Variants in CCDC171 observed in about 807,000 individuals in gnomAD.
The protein encoded by CCDC171 is coiled-coil domain containing 171, also known as coiled-coil domain-containing protein 171.
A neutral mutation model predicts 168.2 loss-of-function variants in CCDC171; 177 were observed. That is an observed-to-expected ratio of 1.05 (90% CI 0.93 to 1.19). The LOEUF (loss-of-function observed/expected upper bound fraction) is 1.19, where lower values mean the gene tolerates loss of function less well. Ranked by LOEUF, CCDC171 falls within the 50% of genes most tolerant of loss-of-function variation. The probability of loss-of-function intolerance (pLI) is 0.00; values close to 1 mark genes in which losing one functional copy is unlikely to be tolerated. For synonymous variants in CCDC171, 687 were observed against 540.8 expected (o/e 1.27, Z -3.75); for missense variants, 1,991 against 1,539.0 (o/e 1.29, Z -4.91).
At chr9:15,642,341 G>GTA (rs1392934062) in intron 7 of CCDC171, among the ~76,000 whole-genome samples, 63 of 40,914 alleles carry the variant, frequency 1.5e-3, no homozygotes, top group African/African-American at 4.0e-3. Flanking sequence ...ACGTGTGTGT[G>GTA]TGTATATATA....
chr9:16,064,751 T>C (rs530342792), downstream of CCDC171, among the ~76,000 whole-genome samples: 1 of 152,354 alleles, frequency 6.6e-6, no homozygotes, highest in African/African-American at 2.4e-5. Flanking sequence ...ATGGAGACCA[T>C]GCCACTAAGA....
At chr9:15,957,638 TCAAA>T (rs1234304494) in intron 25 of CCDC171, among the ~76,000 whole-genome samples, 1 of 152,174 alleles carries the variant, frequency 6.6e-6, no homozygotes, top group Non-Finnish European at 1.5e-5. Context: ...AAGGTTTACA[TCAAA>T]CAATTAGATT....
intron 2 of CCDC171, among the ~76,000 whole-genome samples, chr9:15,568,232 A>G (rs7875367): frequency 0.54 from 79,930 of 147,496 alleles, 21,656 homozygotes; most frequent in East Asian, 0.74. Flanking sequence ...TTTCTTTTAC[A>G]TTGCATGATT....
At chr9:15,787,794 T>G (rs1172538365) in intron 21 of CCDC171, among the ~76,000 whole-genome samples, 1 of 152,172 alleles carries the variant, frequency 6.6e-6, no homozygotes, top group Non-Finnish European at 1.5e-5. Context: ...ATTTAAAACA[T>G]TTTTGACAGT....
At chr9:15,644,611 G>A (rs1337994065) in intron 7 of CCDC171, among the ~76,000 whole-genome samples, 3 of 152,328 alleles carry the variant, frequency 2.0e-5, no homozygotes, top group African/African-American at 2.4e-5. Flanking sequence ...CACCTGGCTC[G>A]GAGAGTCCCA....
Position 15,744,446 on chromosome 9 carries a change from C to G in CCDC171, c.2223C>G (p.Leu741=), listed in dbSNP as rs1348555719. ...CALMAGALYP[L]YSRSCALSTQ... The stretch of plus-strand genomic sequence containing the variant: ...TAATGGCTGGTGCCTTATATCCCCT[C>G]TATAGCCGATCATGCGCCTTGTCTA... The change falls in exon 17 of 26, where the codon CTC becomes CTG. Residue 741 remains leucine (L), a synonymous_variant. Transcript: ENST00000380701. 2 of 1,613,994 alleles carry G rather than the reference C, an allele frequency of 1.2e-6. No homozygotes were observed. Among genetic ancestry groups the G allele is most frequent in the African/African-American group, 1.3e-5 (1 of 74,910 alleles).
At chr9:15,632,620 C>T (rs2045820666) in intron 7 of CCDC171, among the ~76,000 whole-genome samples, 1 of 152,072 alleles carries the variant, frequency 6.6e-6, no homozygotes, top group Non-Finnish European at 1.5e-5. Context: ...AGATTCAATG[C>T]CATCCCCATC....
At chr9:16,012,763 C>T (rs933830259) in intron 3 of CCDC171, among the ~76,000 whole-genome samples, 3 of 152,076 alleles carry the variant, frequency 2.0e-5, no homozygotes, top group Non-Finnish European at 1.5e-5. Flanking sequence ...CATTCTTATT[C>T]ATGTTTGAGA....
intron 8 of CCDC171, among the ~76,000 whole-genome samples, chr9:16,037,264 T>C (rs1833488708): frequency 6.6e-6 from 1 of 152,204 alleles, no homozygotes; most frequent in South Asian, 2.1e-4. Context: ...CCAATAAATA[T>C]GTACAATTAT....
At chr9:16,051,134 A>G (rs1442796863) in intron 1 of CCDC171, among the ~76,000 whole-genome samples, 1 of 152,188 alleles carries the variant, frequency 6.6e-6, no homozygotes, top group Non-Finnish European at 1.5e-5. Flanking sequence ...ACATAAATAA[A>G]TGTTTTTTAA....
chr9:15,740,444 T>G (rs934215097), intron 16 of CCDC171, among the ~76,000 whole-genome samples: 1 of 151,908 alleles, frequency 6.6e-6, no homozygotes, highest in African/African-American at 2.4e-5. Flanking sequence ...TTTGTGTGTG[T>G]GTGTGTGTGA....
chr9:15,815,681 C>T lies in CCDC171; in HGVS notation c.3267+30987C>T, dbSNP rs1453067674. On this transcript the variant is annotated intron_variant, in intron 21 of 25. Transcript: ENST00000380701. ...GGTAAACCTTTAAACAAAAGAACTC[C>T]AACACTCATTTTCTTTAAAAAATGT... Among the ~76,000 whole-genome samples the T allele has an allele frequency of 2.6e-5, 3 of 115,592 alleles. 1 individual carries two copies. Among genetic ancestry groups the T allele is most frequent in the Admixed American group, 8.1e-5 (1 of 12,278 alleles). The allele number at this position is 115,592 out of a possible 152,430, so 75.8% of individuals were successfully genotyped here.
chr9:15,687,986 G>A (rs2050522448), intron 10 of CCDC171, among the ~76,000 whole-genome samples: 2 of 152,142 alleles, frequency 1.3e-5, no homozygotes, highest in Admixed American at 1.3e-4. Flanking sequence ...GGGCAAGGTG[G>A]CGCATGCCTG....
chr9:15,866,072 T>C (rs1039336906), intron 23 of CCDC171, among the ~76,000 whole-genome samples: 2 of 151,886 alleles, frequency 1.3e-5, no homozygotes, highest in African/African-American at 4.8e-5. Context: ...ATATTCTAAG[T>C]TCAATATTAA....
At chr9:15,804,791 T>G (rs1371422996) in intron 21 of CCDC171, among the ~76,000 whole-genome samples, 3 of 151,510 alleles carry the variant, frequency 2.0e-5, no homozygotes. Context: ...GGGAGGAATC[T>G]CTCCTCCTCA....
intron 21 of CCDC171, among the ~76,000 whole-genome samples, chr9:15,823,842 T>C (rs2059901247): frequency 6.6e-6 from 1 of 152,118 alleles, no homozygotes; most frequent in Non-Finnish European, 1.5e-5. Context: ...GTTTTCTTTG[T>C]ATATTAGAAG....
At chr9:15,783,518 A>G (rs2057775357) in intron 20 of CCDC171, among the ~76,000 whole-genome samples, 1 of 152,192 alleles carries the variant, frequency 6.6e-6, no homozygotes, top group African/African-American at 2.4e-5. Flanking sequence ...TACATGTATA[A>G]CTTGTGTATT....
the CCDC171 span, among the ~76,000 whole-genome samples, chr9:16,107,525 G>T: frequency 6.6e-6 from 1 of 151,750 alleles, no homozygotes; most frequent in East Asian, 1.9e-4. Flanking sequence ...TTGCTTTACT[G>T]TTCTCTCTCT....
chr9:15,831,651 C>G (rs1424007047), intron 21 of CCDC171, among the ~76,000 whole-genome samples: 1 of 152,078 alleles, frequency 6.6e-6, no homozygotes, highest in Non-Finnish European at 1.5e-5. Flanking sequence ...ACCATTTGTT[C>G]CAGTTAGTTT....
Sources: gnomAD v4.1 joint callset for allele counts (sites outside exome capture counted in the v4.1 genomes callset) on GRCh38, gnomAD v4.1.1 for gene constraint, MANE v1.5 for transcripts, NCBI Gene and HGNC (gene_info 2026-07-23, HGNC 2026-07-21) for gene names.